Variants in LIMK2 observed in about 807,000 individuals in gnomAD.
LIMK2 encodes the protein LIM domain kinase 2.
LIMK2 carries 35 observed loss-of-function variants against 75.7 expected under a neutral mutation model. The ratio of observed to expected loss-of-function variants is 0.46; its 90% CI spans 0.35 to 0.61. The LOEUF is 0.61. Ranked by LOEUF, LIMK2 falls within the 20% of genes least tolerant of loss-of-function variation. LIMK2 has a pLI of 0.00. For missense variants in LIMK2, 623 were observed against 831.0 expected (o/e 0.75, Z 3.08); for synonymous variants, 301 against 319.2 (o/e 0.94, Z 0.61).
At chr22:31,267,182 A>C (rs190204066) in intron 9 of LIMK2, 112 bp downstream of exon 9, 1 of 637,770 alleles carries the variant, frequency 1.6e-6, no homozygotes, top group African/African-American at 1.9e-5. Flanking sequence ...CTTAAAGACT[A>C]AGCAGAAAAG....
intron 2 of LIMK2, among the ~76,000 whole-genome samples, chr22:31,228,951 A>G (rs2048501772): frequency 7.6e-6 from 1 of 131,716 alleles, no homozygotes; most frequent in African/African-American, 3.6e-5. Context: ...CTGTCTCAAA[A>G]CAAAACAAAT....
intron 2 of LIMK2, among the ~76,000 whole-genome samples, chr22:31,239,572 C>G (rs976670009): frequency 1.3e-5 from 2 of 152,238 alleles, no homozygotes; most frequent in African/African-American, 2.4e-5. Context: ...AGGAGCCCCC[C>G]GCCAAATCCA....
chr22:31,245,364 C>T (rs1170830303), intron 2 of LIMK2, among the ~76,000 whole-genome samples: 1 of 152,008 alleles, frequency 6.6e-6, no homozygotes, highest in African/African-American at 2.4e-5. Flanking sequence ...TGCAATGGCA[C>T]GAACTCAGCT....
intron 2 of LIMK2, among the ~76,000 whole-genome samples, chr22:31,239,182 A>G (rs1289182913): frequency 6.6e-6 from 1 of 152,262 alleles, no homozygotes; most frequent in Non-Finnish European, 1.5e-5. Context: ...GACTTTAGGC[A>G]TTTATACCCA....
In LIMK2 at chr22:31,259,163, A is replaced by T. The variant is rs761864296; in HGVS notation, c.295A>T (p.Met99Leu). 1.2e-6 allele frequency: 2 copies of T among 1,613,658 alleles called. No individual in the cohort carries two copies. The highest frequency in any genetic ancestry group is 2.2e-5 in the South Asian group (2 of 91,074). ...GTACCACCCAGAGTGCTTTGCCTGTATGAGCTGCAAGGTGATCATTGAGGA... is the reference window on the plus strand; with the variant it reads ...GTACCACCCAGAGTGCTTTGCCTGTTTGAGCTGCAAGGTGATCATTGAGGA... ...FKYHPECFAC[M>L]SCKVIIEDGD... The change falls in exon 4 of 16, where the codon ATG (methionine) becomes TTG (leucine). Residue 99 changes from methionine to leucine, a missense_variant. By Grantham distance (15) the Met-to-Leu change is conservative. Around this residue, in one of 3 missense-constraint regions of LIMK2, gnomAD observed 514 missense variants for 661.3 expected, o/e 0.78. Coordinates refer to ENST00000331728, the MANE Select transcript of LIMK2 (RefSeq NM_005569.4).
intron 2 of LIMK2, among the ~76,000 whole-genome samples, chr22:31,229,895 C>G (rs781625546): frequency 1.3e-5 from 2 of 152,194 alleles, no homozygotes; most frequent in African/African-American, 2.4e-5. Flanking sequence ...AGTGACAAAA[C>G]TGAAAGTAGC....
At chr22:31,271,061 TATGGCGC>T in intron 11 of LIMK2, 68 bp from the exon 12 acceptor site, 1 of 1,374,906 alleles carries the variant, frequency 7.3e-7, no homozygotes, top group South Asian at 1.2e-5. Flanking sequence ...GGAGAGCATC[TATGGCGC>T]CCAATTCCAG....
rs568770155 is a variant in LIMK2 at position 31,244,614 on chromosome 22, G to A, written c.117-13677G>A. ...ACCCAAGGAAAATAGAGAGCCCTCT[G>A]CAACCTCATAGGGGTGAAAAATGTT... On this transcript the variant is annotated intron_variant, in intron 2 of 15. Transcript: ENST00000331728. Among the ~76,000 whole-genome samples, 23 of 152,214 alleles carry A rather than the reference G, an allele frequency of 1.5e-4. 1 individual carries two copies. The South Asian group carries it at 4.2e-3, about 27-fold the overall frequency.
Position 31,212,345 on chromosome 22 carries a change from A to AGGGAACTGAGGGGAGCTGCT in LIMK2, c.-62_-43dup. On this transcript the variant is annotated 5_prime_UTR_variant, in exon 1 of 16. Transcript: ENST00000331728. ...GGCGGCAGGAGCTGAGGGGAGTTGT[A>AGGGAACTGAGGGGAGCTGCT]GGGAACTGAGGGGAGCTGCTGTGTC... 1 of 1,315,858 alleles carries AGGGAACTGAGGGGAGCTGCT rather than the reference A, an allele frequency of 7.6e-7. No homozygotes were observed. 81.5% of individuals were successfully genotyped at this position (1,315,858 alleles called of 1,614,324 possible).
intron 11 of LIMK2, among the ~76,000 whole-genome samples, chr22:31,268,607 CAG>C (rs1293120385): frequency 1.3e-5 from 2 of 152,084 alleles, no homozygotes; most frequent in African/African-American, 2.4e-5. Flanking sequence ...TTCTTATTGG[CAG>C]AGAGGCACCA....
At chr22:31,248,563 C>T (rs750178714) in intron 2 of LIMK2, 2 of 1,602,258 alleles carry the variant, frequency 1.2e-6, no homozygotes, top group Non-Finnish European at 1.7e-6. Flanking sequence ...CAGGCTCCCG[C>T]AGCTGCTCCG....
chr22:31,268,409 AAAGGCAAACAGGGCACGGAC>A (rs57618851), intron 11 of LIMK2, among the ~76,000 whole-genome samples: 13,076 of 152,248 alleles, frequency 0.086, 860 homozygotes, highest in East Asian at 0.41. Context: ...ACACATCTCT[AAAGGCAAACAGGGCACGGAC>A]AAGGCAAACT....
At chr22:31,212,530 C>T in intron 1 of LIMK2, 106 bp downstream of exon 1, 1 of 1,139,562 alleles carries the variant, frequency 8.8e-7, no homozygotes, top group Non-Finnish European at 1.1e-6. Flanking sequence ...CTGGTTGGGT[C>T]CTCGTGGGTC....
chr22:31,218,184 TG>T (rs1175479465), intron 1 of LIMK2, among the ~76,000 whole-genome samples: 1 of 152,230 alleles, frequency 6.6e-6, no homozygotes, highest in Non-Finnish European at 1.5e-5. Context: ...TTGGTAATCC[TG>T]TAAAGCAGGT....
At chr22:31,234,499 G>T (rs1338646872) in intron 2 of LIMK2, among the ~76,000 whole-genome samples, 1 of 151,078 alleles carries the variant, frequency 6.6e-6, no homozygotes, top group Non-Finnish European at 1.5e-5. Context: ...GAGGCAGGCA[G>T]ATCATGAAGT....
chr22:31,224,211 G>C (rs781445810), intron 1 of LIMK2, among the ~76,000 whole-genome samples: 1 of 152,224 alleles, frequency 6.6e-6, no homozygotes, highest in African/African-American at 2.4e-5. Context: ...CATACCAGGA[G>C]TATTGTATTT....
chr22:31,234,045 C>T (rs2048550411), intron 2 of LIMK2, among the ~76,000 whole-genome samples: 1 of 152,060 alleles, frequency 6.6e-6, no homozygotes, highest in South Asian at 2.1e-4. Context: ...CAGAGTCTCA[C>T]TCTGTTCCCC....
intron 15 of LIMK2, 129 bp downstream of exon 15, chr22:31,275,437 C>T: frequency 1.2e-6 from 1 of 858,894 alleles, no homozygotes; most frequent in Admixed American, 2.6e-5. Context: ...TGGCTGTCAA[C>T]CCCTGAGCCA....
rs1216610832 is a variant in LIMK2 at position 31,262,512 on chromosome 22, A to C, written c.658-83A>C. 2 of 1,349,470 alleles carry C rather than the reference A, an allele frequency of 1.5e-6. No individual in the cohort carries two copies. The highest frequency in any genetic ancestry group is 4.6e-5 in the East Asian group (2 of 43,224). The allele number at this position is 1,349,470 out of a possible 1,614,324, so 83.6% of individuals were successfully genotyped here. A position where few individuals can be genotyped will look rare whatever the true frequency, so the allele number is the denominator to read the frequency against. ...ATTAGACAAGTTGAGCACTGGCCAC[A>C]CTGTGCCTGAGTCATCTGGGTTGGC... is the stretch of plus-strand genomic sequence containing the variant. On this transcript the variant is annotated intron_variant, in intron 6 of 15. Coordinates refer to ENST00000331728, the MANE Select transcript of LIMK2 (RefSeq NM_005569.4). The surrounding 1 kb of genome is among the most constrained non-coding windows in gnomAD (Gnocchi z 5.0).
Sources: gnomAD v4.1 joint callset for allele counts (sites outside exome capture counted in the v4.1 genomes callset) on GRCh38, gnomAD v4.1.1 for gene constraint, gnomAD v4.1.1 regional missense constraint, Gnocchi (gnomAD v3.1) non-coding constraint, MANE v1.5 for transcripts, NCBI Gene and HGNC (gene_info 2026-07-23, HGNC 2026-07-21) for gene names.